MAML2: variants seen among roughly 807,000 people sequenced by gnomAD.
MAML2 encodes mastermind like transcriptional coactivator 2.
In MAML2, 22 loss-of-function variants were observed where a neutral mutation model predicts 96.1. The ratio of observed to expected loss-of-function variants is 0.23; its 90% confidence interval spans 0.16 to 0.33. The LOEUF (loss-of-function observed/expected upper bound fraction) is 0.33. MAML2 is among the 10% of genes least tolerant of loss of function. The pLI is 1.00. For missense variants in MAML2, 1,367 were observed against 1,392.4 expected, an observed-to-expected ratio of 0.98 and a Z score of 0.29; for synonymous variants, 561 against 521.3, an observed-to-expected ratio of 1.08 and a Z score of -1.04.
At chr11:96,106,061 C>T (rs975645732) in intron 1 of MAML2, among the ~76,000 whole-genome samples, 8 of 152,250 alleles carry the variant, frequency 5.3e-5, no homozygotes, top group Admixed American at 1.3e-4. Context: ...ATTTAAATGA[C>T]GTTAGGATGG....
At chr11:96,035,873 CCG>C (rs1858703552) in intron 2 of MAML2, among the ~76,000 whole-genome samples, 1 of 152,094 alleles carries the variant, frequency 6.6e-6, no homozygotes, top group South Asian at 2.1e-4. Context: ...CTCCATGTGA[CCG>C]TGGGCAAGTT....
At chr11:96,228,170 T>C (rs1299598652) in intron 1 of MAML2, among the ~76,000 whole-genome samples, 1 of 152,158 alleles carries the variant, frequency 6.6e-6, no homozygotes, top group Non-Finnish European at 1.5e-5. Context: ...ATTGAGTCTA[T>C]CTCTGATGAG....
chr11:96,185,897 T>C (rs1230294143), intron 1 of MAML2, among the ~76,000 whole-genome samples: 3 of 152,228 alleles, frequency 2.0e-5, no homozygotes, highest in Non-Finnish European at 2.9e-5. Context: ...TAATGTAATA[T>C]GTATAGCATC....
chr11:96,009,505 T>C (rs957239583), intron 2 of MAML2, among the ~76,000 whole-genome samples: 2 of 29,816 alleles, frequency 6.7e-5, no homozygotes, highest in Non-Finnish European at 1.2e-4. Context: ...AATTTAACTA[T>C]ATTTGTTATT....
chr11:95,993,805 G>A (rs758879613), intron 2 of MAML2, among the ~76,000 whole-genome samples: 1 of 152,206 alleles, frequency 6.6e-6, no homozygotes, highest in African/African-American at 2.4e-5. Context: ...CAAAAGCAAA[G>A]GGTTACAAAA....
rs1857687214 is a variant in MAML2, at chr11:95,978,797, G to A, written c.*151C>T. The A allele has an allele frequency of 4.3e-6, 3 of 705,136 alleles. No homozygotes were observed. The highest frequency in any genetic ancestry group is 3.2e-5 in the Admixed American group (1 of 31,090). 43.7% of individuals were successfully genotyped at this position (705,136 alleles called of 1,614,324 possible). On this transcript the variant is annotated 3_prime_UTR_variant, in exon 5 of 5. Coordinates refer to ENST00000524717, the MANE Select transcript of MAML2 (RefSeq NM_032427.4). ...TTAAAACAAGAATTTGGACCAAAAT[G>A]TTCATCACTGCAGTTACTTTCTGCT...
chr11:96,101,614 T>C (rs1859932474), intron 1 of MAML2, among the ~76,000 whole-genome samples: 1 of 152,202 alleles, frequency 6.6e-6, no homozygotes, highest in Non-Finnish European at 1.5e-5. Flanking sequence ...ATACCCCATG[T>C]CTCAGGGTTT....
rs1189857059 is a variant in MAML2, at chr11:96,267,474, A to T, written c.513+73909T>A. On this transcript the variant is annotated intron_variant, in intron 1 of 4. Transcript: ENST00000524717. The stretch of plus-strand genomic sequence containing the variant: ...AAACAAAAACAAAAACAAAATCAAA[A>T]TCCTTTCCTACAGTTCCCTCAAGGC... Among the ~76,000 whole-genome samples, 4 of 152,190 alleles carry T rather than the reference A, an allele frequency of 2.6e-5. No homozygotes were observed. The East Asian group carries it at 7.7e-4, about 29-fold the overall frequency.
intron 1 of MAML2, among the ~76,000 whole-genome samples, chr11:96,197,102 C>T (rs1425451829): frequency 1.3e-5 from 2 of 152,266 alleles, no homozygotes; most frequent in Non-Finnish European, 2.9e-5. Context: ...TCACTAAGGT[C>T]TGGGAGGCCA....
chr11:96,162,040 G>C (rs1861112916), intron 1 of MAML2, among the ~76,000 whole-genome samples: 1 of 152,078 alleles, frequency 6.6e-6, no homozygotes, highest in South Asian at 2.1e-4. Flanking sequence ...TTTAAATTAA[G>C]AAGCATTTAA....
chr11:96,182,876 G>A (rs1861507485), intron 1 of MAML2, among the ~76,000 whole-genome samples: 1 of 151,252 alleles, frequency 6.6e-6, no homozygotes, highest in South Asian at 2.1e-4. Flanking sequence ...GTTTTTTTTT[G>A]TTGTCGCTAT....
intron 1 of MAML2, among the ~76,000 whole-genome samples, chr11:96,134,071 TTTGTAG>T: frequency 6.6e-6 from 1 of 152,214 alleles, no homozygotes; most frequent in East Asian, 1.9e-4. Context: ...ACAATTATTC[TTTGTAG>T]TTGTTTAGTG....
chr11:96,331,324 T>C (rs938674413), intron 1 of MAML2, among the ~76,000 whole-genome samples: 2 of 152,160 alleles, frequency 1.3e-5, no homozygotes, highest in African/African-American at 2.4e-5. Flanking sequence ...CATGCTACTC[T>C]TACTACCAAA....
At chr11:96,126,941 T>C (rs536774711) in intron 1 of MAML2, among the ~76,000 whole-genome samples, 14 of 152,250 alleles carry the variant, frequency 9.2e-5, no homozygotes, top group African/African-American at 2.9e-4. Flanking sequence ...GAAAAAGGCT[T>C]GAGCAGTATG....
At chr11:96,149,416 CA>C (rs1491559824) in intron 1 of MAML2, among the ~76,000 whole-genome samples, 2 of 6,598 alleles carry the variant, frequency 3.0e-4, no homozygotes, top group South Asian at 4.0e-3. Flanking sequence ...GACTCCGTCA[CA>C]AAAAAAAAAA....
At chr11:96,144,208 G>A (rs998079941) in intron 1 of MAML2, among the ~76,000 whole-genome samples, 8 of 152,204 alleles carry the variant, frequency 5.3e-5, no homozygotes, top group Admixed American at 4.6e-4. Flanking sequence ...TAGCAACTGG[G>A]ATCACATTGC....
intron 2 of MAML2, among the ~76,000 whole-genome samples, chr11:96,034,408 AGTGT>A (rs5793773): frequency 7.9e-5 from 10 of 126,730 alleles, no homozygotes; most frequent in South Asian, 2.9e-4. Flanking sequence ...AATACTTTGA[AGTGT>A]GTGTGTGTGT....
At chr11:96,321,457 A>G (rs1484731368) in intron 1 of MAML2, among the ~76,000 whole-genome samples, 1 of 152,244 alleles carries the variant, frequency 6.6e-6, no homozygotes. Flanking sequence ...TTCCAGAGAC[A>G]AAAGAAATAG....
chr11:96,040,171 G>A (rs1858785391), intron 2 of MAML2, among the ~76,000 whole-genome samples: 1 of 152,116 alleles, frequency 6.6e-6, no homozygotes, highest in South Asian at 2.1e-4. Context: ...ACACTTCAAG[G>A]TGACAGATAA....
Sources: gnomAD v4.1 joint callset for allele counts (sites outside exome capture counted in the v4.1 genomes callset) on GRCh38, gnomAD v4.1.1 for gene constraint, MANE v1.5 for transcripts, NCBI Gene and HGNC (gene_info 2026-07-23, HGNC 2026-07-21) for gene names.